ITPK1: variants seen among roughly 807,000 people sequenced by gnomAD.
The protein encoded by ITPK1 is inositol 1,3,4-trisphosphate 5/6-kinase.
A neutral mutation model predicts 45.3 loss-of-function variants in ITPK1; 21 were observed. That is an observed-to-expected ratio of 0.46 (90% confidence interval 0.33 to 0.67). The LOEUF is 0.67. Ranked by LOEUF, ITPK1 falls within the 30% of genes least tolerant of loss-of-function variation. The pLI is 0.02. For synonymous variants in ITPK1, 258 were observed against 253.6 expected (o/e 1.02, Z -0.16); for missense variants, 474 against 573.5 (o/e 0.83, Z 1.77).
intron 2 of ITPK1, among the ~76,000 whole-genome samples, chr14:93,109,449 T>A (rs897904950): frequency 2.6e-5 from 4 of 152,016 alleles, no homozygotes; most frequent in East Asian, 1.9e-4. Flanking sequence ...GAATTTTTTT[T>A]AATATGTGCA....
chr14:92,941,394 C>T lies in ITPK1; in HGVS notation c.*167G>A, dbSNP rs1887385641. 2 of 1,419,438 alleles carry T rather than the reference C, an allele frequency of 1.4e-6. No individual in the cohort carries two copies. Among genetic ancestry groups the T allele is most frequent in the Non-Finnish European group, 1.8e-6 (2 of 1,094,280 alleles). 87.9% of individuals were successfully genotyped at this position (1,419,438 alleles called of 1,614,324 possible). On this transcript the variant is annotated 3_prime_UTR_variant, in exon 11 of 11. Coordinates refer to ENST00000267615, the MANE Select transcript of ITPK1 (RefSeq NM_014216.6). ...ACCACCTGGTACTCTCTTCCATCCC[C>T]CACTACCCCTCATTTAGATCATGAC... is the stretch of plus-strand genomic sequence containing the variant.
At chr14:93,085,047 T>C (rs151264423) in intron 2 of ITPK1, among the ~76,000 whole-genome samples, 1 of 152,322 alleles carries the variant, frequency 6.6e-6, no homozygotes, top group African/African-American at 2.4e-5. Context: ...ACTCCCCGAG[T>C]GCTGCCGGGT....
At position 92,963,358 on chromosome 14, in the gene ITPK1, A is replaced by T. The variant is rs556522678; in HGVS notation, c.365-509T>A. On this transcript the variant is annotated intron_variant, in intron 5 of 10. Coordinates refer to ENST00000267615, the MANE Select transcript of ITPK1 (RefSeq NM_014216.6). ...CTGTACCGAGGGCTTTGCCGGCATC[A>T]CCTCCACAGTTTGCAAAATAATCCC... Among the ~76,000 whole-genome samples the T allele has an allele frequency of 2.6e-5, 4 of 152,286 alleles. No individual in the cohort carries two copies. The East Asian group carries it at 7.7e-4, about 29-fold the overall frequency.
At chr14:93,105,522 CTTT>C (rs11285368) in intron 2 of ITPK1, among the ~76,000 whole-genome samples, 41 of 100,090 alleles carry the variant, frequency 4.1e-4, no homozygotes, top group Non-Finnish European at 4.5e-4. Flanking sequence ...GCCCCTGGAG[CTTT>C]TTTTTTTTTT....
chr14:92,962,262 A>AGTGGCAGTGAGGAATCCGGCAGG, intron 7 of ITPK1, 93 bp downstream of exon 7: 1 of 903,440 alleles, frequency 1.1e-6, no homozygotes, highest in Non-Finnish European at 1.9e-6. Flanking sequence ...GGGCAGGAGC[A>AGTGGCAGTGAGGAATCCGGCAGG]GTGGCAGTGA....
rs1892891401 is a variant in ITPK1 at position 93,115,186 on chromosome 14, T to C, written c.-23A>G. 1.9e-6 allele frequency: 3 copies of C among 1,561,328 alleles called. No homozygotes were observed. The South Asian group carries it at 3.4e-5, about 18-fold the overall frequency. ...CATCTTCCTCCTCGGGCGGGGAGCCTGGGTCCGGAGGAAATCGCCCACAGG... is the reference window on the plus strand; with the variant it reads ...CATCTTCCTCCTCGGGCGGGGAGCCCGGGTCCGGAGGAAATCGCCCACAGG... On this transcript the variant is annotated 5_prime_UTR_variant, in exon 2 of 11. Transcript: ENST00000267615.
intron 2 of ITPK1, among the ~76,000 whole-genome samples, chr14:93,112,734 G>C (rs76693480): frequency 1.3e-5 from 2 of 151,974 alleles, no homozygotes. Flanking sequence ...CACGGCACCC[G>C]GCCCAAAGCA....
In ITPK1 at chr14:92,939,700, A is replaced by C. The variant is rs2139684818; in HGVS notation, c.*1861T>G. On this transcript the variant is annotated 3_prime_UTR_variant, in exon 11 of 11. Transcript: ENST00000267615. ...AGACCCCGGAGGCCACAAACGGTAC[A>C]GGAACACAGCCAGGAGTCACGCTGC... The C allele has an allele frequency of 1.0e-6, 1 of 985,510 alleles. No homozygotes were observed. The highest frequency in any genetic ancestry group is 1.2e-6 in the Non-Finnish European group (1 of 829,970). 61.0% of individuals were successfully genotyped at this position (985,510 alleles called of 1,614,324 possible). A position where few individuals can be genotyped will look rare whatever the true frequency, so the allele number is the denominator to read the frequency against.
At chr14:93,039,997 G>A (rs1304758368) in intron 3 of ITPK1, among the ~76,000 whole-genome samples, 22 of 152,358 alleles carry the variant, frequency 1.4e-4, no homozygotes, top group Non-Finnish European at 1.5e-5. Flanking sequence ...GAGCGCACAC[G>A]GGTGCTCCTG....
At chr14:93,028,360 G>C (rs142032233) in intron 3 of ITPK1, among the ~76,000 whole-genome samples, 3 of 152,208 alleles carry the variant, frequency 2.0e-5, no homozygotes, top group Non-Finnish European at 4.4e-5. Flanking sequence ...CAGAGGTACA[G>C]GGCAGCCTGT....
At chr14:93,081,163 C>T (rs1365619509) in intron 2 of ITPK1, among the ~76,000 whole-genome samples, 11 of 151,742 alleles carry the variant, frequency 7.2e-5, no homozygotes, top group Middle Eastern at 3.4e-3. Context: ...GGTAAAACCT[C>T]GTCTCTATAA....
In ITPK1 at chr14:92,960,912, G is replaced by A. The variant is rs958891490; in HGVS notation, c.504+1443C>T. Reference sequence around the variant, plus strand: ...GGGCCAACACCCACAGGAAGACTACGTGAGGGCTCCTGATTTCAGACAACT... The same window carrying A: ...GGGCCAACACCCACAGGAAGACTACATGAGGGCTCCTGATTTCAGACAACT... On this transcript the variant is annotated intron_variant, in intron 7 of 10. Transcript: ENST00000267615. Among the ~76,000 whole-genome samples the A allele has an allele frequency of 5.3e-5, 8 of 152,236 alleles. No individual in the cohort carries two copies. The South Asian group carries it at 8.3e-4, about 16-fold the overall frequency.
In ITPK1 at chr14:93,016,921, T is replaced by C; in HGVS notation, c.121-120A>G. ...ACCCTCGAGCCTCCCTGTAGCACTC[T>C]GGAGATGGGGCAGGAGGAGGGCTGA... On this transcript the variant is annotated intron_variant, in intron 3 of 10. Transcript: ENST00000267615. The surrounding 1 kb of genome is among the most constrained non-coding windows in gnomAD (Gnocchi z 5.0). 1 of 1,321,104 alleles carries C rather than the reference T, an allele frequency of 7.6e-7. No individual in the cohort carries two copies. The highest frequency in any genetic ancestry group is 1.0e-6 in the Non-Finnish European group (1 of 961,574). 81.8% of individuals were successfully genotyped at this position (1,321,104 alleles called of 1,614,324 possible).
At chr14:93,099,214 G>C (rs535847888) in intron 2 of ITPK1, among the ~76,000 whole-genome samples, 1 of 152,044 alleles carries the variant, frequency 6.6e-6, no homozygotes, top group Non-Finnish European at 1.5e-5. Context: ...TCCTGGACAG[G>C]AGTGGCCCTC....
At chr14:92,987,577 A>G (rs564601838) in intron 5 of ITPK1, among the ~76,000 whole-genome samples, 1 of 152,308 alleles carries the variant, frequency 6.6e-6, no homozygotes, top group South Asian at 2.1e-4. Context: ...TCTGAGAATC[A>G]GCTGTAAAAT....
intron 4 of ITPK1, among the ~76,000 whole-genome samples, chr14:92,999,451 G>A (rs1887227769): frequency 6.6e-6 from 1 of 152,354 alleles, no homozygotes; most frequent in East Asian, 1.9e-4. Context: ...TGCATGGCCT[G>A]AGCGCCGAGC....
Position 92,958,345 on chromosome 14 carries a change from C to G in ITPK1, c.526G>C (p.Glu176Gln), listed in dbSNP as rs767000747. Residue 176 changes from glutamate (E) to glutamine (Q), a missense_variant, in exon 8 of 11, where the codon GAG becomes CAG. Glu to Gln is a conservative substitution (Grantham distance 29). Around this residue, in one of 2 missense-constraint regions of ITPK1, gnomAD observed 367 missense variants for 480.6 expected, o/e 0.76. Transcript: ENST00000267615. This position sits in a 1 kb window ranked among gnomAD's most constrained non-coding sequence, Gnocchi z 4.4. ...GGTGGCTGGATGGCGTTCAGGCCCT[C>G]CTGGTTGAACACGATAGCCATCTGG... ...SHEMAIVFNQ[E>Q]GLNAIQPPCV... 3.1e-6 allele frequency: 5 copies of G among 1,614,022 alleles called. No individual in the cohort carries two copies. The African/African-American group carries it at 5.3e-5, about 17-fold the overall frequency.
chr14:93,007,967 A>T (rs149402602), intron 4 of ITPK1, among the ~76,000 whole-genome samples: 280 of 152,352 alleles, frequency 1.8e-3, no homozygotes, highest in Non-Finnish European at 2.9e-3. Context: ...AGAGCTACCC[A>T]GCGCTCCCAG....
rs532360145 is a variant in ITPK1, at chr14:92,940,816, C to T, written c.*745G>A. 28 of 1,286,856 alleles carry T rather than the reference C, an allele frequency of 2.2e-5. No individual in the cohort carries two copies. Among genetic ancestry groups the T allele is most frequent in the Non-Finnish European group, 2.7e-5 (27 of 987,622 alleles). 79.7% of individuals were successfully genotyped at this position (1,286,856 alleles called of 1,614,324 possible). A position where few individuals can be genotyped will look rare whatever the true frequency, so the allele number is the denominator to read the frequency against. Reference sequence around the variant, plus strand: ...GCTCGGGCCTCCAGCCAGGCAGCCTCCTTCCCGGGCTCCAGGGAGCAGCAG... The same window carrying T: ...GCTCGGGCCTCCAGCCAGGCAGCCTTCTTCCCGGGCTCCAGGGAGCAGCAG... On this transcript the variant is annotated 3_prime_UTR_variant, in exon 11 of 11. Transcript: ENST00000267615.
Sources: allele counts gnomAD v4.1 joint callset (sites outside exome capture counted in the v4.1 genomes callset), GRCh38; gene constraint gnomAD v4.1.1; regional missense constraint gnomAD v4.1.1; non-coding constraint Gnocchi (gnomAD v3.1); transcripts MANE v1.5; gene names NCBI Gene and HGNC (gene_info 2026-07-23, HGNC 2026-07-21).